The following ANKRD16 variants were observed in gnomAD, a reference collection of about 807,000 sequenced individuals.
ANKRD16 encodes ankyrin repeat domain 16.
In ANKRD16, 35 loss-of-function variants were observed where a neutral mutation model predicts 37.9. That is an observed-to-expected ratio of 0.92 (90% CI 0.71 to 1.23). The LOEUF (loss-of-function observed/expected upper bound fraction) is 1.23, where lower values mean the gene tolerates loss of function less well. Among genes scored for constraint, ANKRD16 ranks in the 50% most tolerant of loss-of-function variants. ANKRD16 has a pLI of 0.00. For missense variants in ANKRD16, 480 were observed against 469.9 expected (o/e 1.02, Z -0.20); for synonymous variants, 206 against 197.2 (o/e 1.04, Z -0.37).
At position 5,884,059 on chromosome 10, in the gene ANKRD16, G is replaced by C; in HGVS notation, c.597C>G (p.Asp199Glu). ...CGGTGACGCCACAGTTGTCTCTGTAGTCTGGTTCATATTGGCACCTAGAGC... is the reference window on the plus strand; with the variant it reads ...CGGTGACGCCACAGTTGTCTCTGTACTCTGGTTCATATTGGCACCTAGAGC... ...VLLKRCQYEP[D>E]YRDNCGVTAL... Residue 199 changes from aspartate (D) to glutamate (E), a missense_variant, in exon 4 of 8, where the codon GAC becomes GAG. By Grantham distance (45) the Asp-to-Glu change is conservative. Coordinates refer to ENST00000380094, the MANE Select transcript of ANKRD16 (RefSeq NM_019046.3). The C allele has an allele frequency of 6.2e-7, 1 of 1,614,060 alleles. No homozygotes were observed.
intron 7 of ANKRD16, among the ~76,000 whole-genome samples, chr10:5,875,100 C>T (rs946469021): frequency 1.3e-5 from 2 of 152,066 alleles, no homozygotes; most frequent in Non-Finnish European, 2.9e-5. Context: ...GCAACAACGA[C>T]GCCAGACTGC....
In ANKRD16 at chr10:5,883,980, C is replaced by A. The variant is rs374600301; in HGVS notation, c.676G>T (p.Asp226Tyr). Residue 226 changes from aspartate (D) to tyrosine (Y), a missense_variant, in exon 4 of 8, where the codon GAT becomes TAT. Physicochemically the swap from Asp to Tyr is radical, Grantham distance 160. Transcript: ENST00000380094. ...AACCATTTTTATACCCCATGTTCAT[C>A]GAGGAGCAGCCTAGCGACGTCGATG... ...GHIDVARLLL[D>Y]EHGACLSAED... 2 of 1,613,828 alleles carry A rather than the reference C, an allele frequency of 1.2e-6. No individual in the cohort carries two copies. Among genetic ancestry groups the A allele is most frequent in the South Asian group, 1.1e-5 (1 of 91,048 alleles).
In ANKRD16 at chr10:5,868,803, C is replaced by T. The variant is rs116124337; in HGVS notation, c.*34-6112G>A. ...GCTTCATTCCTTAAGTCAGCAAGAC[C>T]ACGAACCCACCAGGAGGAACAAACA... On this transcript the variant is annotated intron_variant, in intron 7 of 7. Coordinates refer to ENST00000380094, the MANE Select transcript of ANKRD16 (RefSeq NM_019046.3). The surrounding 1 kb of genome is among the most constrained non-coding windows in gnomAD (Gnocchi z 4.9). Among the ~76,000 whole-genome samples, 797 of 152,318 alleles carry T rather than the reference C, an allele frequency of 5.2e-3. 7 individuals carry two copies. The highest frequency in any genetic ancestry group is 0.018 in the African/African-American group (763 of 41,562).
Position 5,889,157 on chromosome 10 carries a change from G to GGTTGTA in ANKRD16, c.197_198insTACAAC (p.Thr67_Asn68insThrThr). 6.3e-7 allele frequency: 1 copy of GGTTGTA among 1,598,504 alleles called. No homozygotes were observed. Among genetic ancestry groups the GGTTGTA allele is most frequent in the Non-Finnish European group, 8.5e-7 (1 of 1,179,438 alleles). ...GAGGCCGCTTGTAGTCTCGGTTGGT[G>GGTTGTA]GCCTCGATGTCCATGCCCCAGGCCT... On this transcript the variant is annotated inframe_insertion, in exon 1 of 8. Transcript: ENST00000380094.
At chr10:5,881,438 T>TTTTATATATATA (rs1554796692) in intron 5 of ANKRD16, among the ~76,000 whole-genome samples, 6 of 51,010 alleles carry the variant, frequency 1.2e-4, no homozygotes, top group African/African-American at 3.7e-4. Flanking sequence ...AAAATATTAT[T>TTTTATATATATA]TATATATATA....
At position 5,863,700 on chromosome 10, in the gene ANKRD16, C is replaced by T. The variant is rs1589010885; in HGVS notation, c.*34-1009G>A. ...TGCTCATTCTTTGGGTCCACACCAA[C>T]TTTAAGAGCCATAACACTCACCGTG... is the stretch of plus-strand genomic sequence containing the variant. On this transcript the variant is annotated intron_variant, in intron 7 of 7. Coordinates refer to ENST00000380094, the MANE Select transcript of ANKRD16 (RefSeq NM_019046.3). The surrounding 1 kb of genome is among the most constrained non-coding windows in gnomAD (Gnocchi z 4.7). Among the ~76,000 whole-genome samples, 1 of 152,238 alleles carries T rather than the reference C, an allele frequency of 6.6e-6. No individual in the cohort carries two copies. Among genetic ancestry groups the T allele is most frequent in the East Asian group, 1.9e-4 (1 of 5,184 alleles).
At chr10:5,880,096 T>TG (rs1334203835) in intron 6 of ANKRD16, among the ~76,000 whole-genome samples, 1 of 144,752 alleles carries the variant, frequency 6.9e-6, no homozygotes, top group Non-Finnish European at 1.5e-5. Flanking sequence ...AGGTGGATGT[T>TG]GCAGAGAGCT....
chr10:5,877,702 G>A (rs1278495689), intron 7 of ANKRD16, among the ~76,000 whole-genome samples: 6 of 152,270 alleles, frequency 3.9e-5, no homozygotes, highest in East Asian at 1.9e-4. Flanking sequence ...TAATAGCAAC[G>A]TATGTGATAT....
rs760664558 is a variant in ANKRD16, at chr10:5,866,632, A to C, written c.*34-3941T>G. Among the ~76,000 whole-genome samples the C allele has an allele frequency of 6.6e-6, 1 of 152,274 alleles. No homozygotes were observed. Among genetic ancestry groups the C allele is most frequent in the Admixed American group, 6.5e-5 (1 of 15,288 alleles). Reference sequence around the variant, plus strand: ...ATTAAATATCACAAGGAAATCATGGAGTTATTGCACGCAGTGCAAAAACCC... The same window carrying C: ...ATTAAATATCACAAGGAAATCATGGCGTTATTGCACGCAGTGCAAAAACCC... On this transcript the variant is annotated intron_variant, in intron 7 of 7. Coordinates refer to ENST00000380094, the MANE Select transcript of ANKRD16 (RefSeq NM_019046.3). The surrounding 1 kb of genome is among the most constrained non-coding windows in gnomAD (Gnocchi z 4.3).
chr10:5,885,846 G>T, intron 2 of ANKRD16, 81 bp from the exon 3 acceptor site: 1 of 1,413,890 alleles, frequency 7.1e-7, no homozygotes, highest in Non-Finnish European at 9.7e-7. Flanking sequence ...TTTGCTCTCT[G>T]CCCCGTTCTA....
chr10:5,881,093 C>A (rs1842294426), intron 5 of ANKRD16: 1 of 888,318 alleles, frequency 1.1e-6, no homozygotes, highest in Non-Finnish European at 1.3e-6. Flanking sequence ...GCCACTGCGC[C>A]CAGCCAAATT....
rs539569989 is a variant in ANKRD16 at position 5,866,253 on chromosome 10, C to T, written c.*34-3562G>A. Among the ~76,000 whole-genome samples the T allele has an allele frequency of 4.6e-5, 7 of 152,318 alleles. No homozygotes were observed. In the East Asian group the frequency reaches 1.4e-3, roughly 29 times the overall value. On this transcript the variant is annotated intron_variant, in intron 7 of 7. Transcript: ENST00000380094. The surrounding 1 kb of genome is among the most constrained non-coding windows in gnomAD (Gnocchi z 4.3). ...CCCAGAGGATGGGGAACCGATCGAG[C>T]ATGACTGCCAACAAGTTATAGTCCA...
chr10:5,873,233 T>C (rs1842132460), intron 7 of ANKRD16, among the ~76,000 whole-genome samples: 1 of 152,018 alleles, frequency 6.6e-6, no homozygotes, highest in African/African-American at 2.4e-5. Flanking sequence ...GGTTTCACTG[T>C]GTTAGCCAGG....
rs1045029645 is a variant in ANKRD16 at position 5,878,332 on chromosome 10, G to A, written c.929-45C>T. ...ACATGGACTTAAAACACAATCCCTG[G>A]AGCAATACTGACCTCATGAGTTGAT... is the stretch of plus-strand genomic sequence containing the variant. On this transcript the variant is annotated intron_variant, in intron 6 of 7. Transcript: ENST00000380094. This position sits in a 1 kb window ranked among gnomAD's most constrained non-coding sequence, Gnocchi z 5.1. 3 of 1,563,848 alleles carry A rather than the reference G, an allele frequency of 1.9e-6. No individual in the cohort carries two copies. Among genetic ancestry groups the A allele is most frequent in the Admixed American group, 1.8e-5 (1 of 56,808 alleles).
At position 5,862,734 on chromosome 10, in the gene ANKRD16, CA is replaced by C. The variant is rs1841960697; in HGVS notation, c.*34-44del. ...TTATCATCTCAGTTTACAGATGAAA[CA>C]GAAGCTCAGAGAGGGCAAGCAGCTA... On this transcript the variant is annotated intron_variant, in intron 7 of 7. Transcript: ENST00000380094. The surrounding 1 kb of genome is among the most constrained non-coding windows in gnomAD (Gnocchi z 6.5). The C allele has an allele frequency of 1.6e-6, 2 of 1,259,106 alleles. No individual in the cohort carries two copies. Among genetic ancestry groups the C allele is most frequent in the South Asian group, 1.2e-5 (1 of 80,456 alleles). 78.0% of individuals were successfully genotyped at this position (1,259,106 alleles called of 1,614,324 possible). A position where few individuals can be genotyped will look rare whatever the true frequency, so the allele number is the denominator to read the frequency against.
intron 7 of ANKRD16, among the ~76,000 whole-genome samples, chr10:5,873,276 C>T (rs1388442536): frequency 7.9e-5 from 12 of 152,070 alleles, no homozygotes; most frequent in Non-Finnish European, 1.5e-4. Context: ...ATGATCCGCC[C>T]GCCTCGGCCT....
At chr10:5,877,995 C>A (rs985971953) in intron 7 of ANKRD16, 102 bp downstream of exon 7, 11 of 1,293,842 alleles carry the variant, frequency 8.5e-6, no homozygotes, top group Non-Finnish European at 1.2e-5. Context: ...AGGAGTGGAA[C>A]ATGCAGGATG....
In ANKRD16 at chr10:5,884,053, T is replaced by C. The variant is rs547524812; in HGVS notation, c.603A>G (p.Arg201=). 1 of 1,614,100 alleles carries C rather than the reference T, an allele frequency of 6.2e-7. No homozygotes were observed. The highest frequency in any genetic ancestry group is 2.2e-5 in the East Asian group (1 of 44,888). The change falls in exon 4 of 8, where the codon AGA becomes AGG. Residue 201 remains arginine, a synonymous_variant. Transcript: ENST00000380094. ...TCAAGGCGGTGACGCCACAGTTGTCTCTGTAGTCTGGTTCATATTGGCACC... is the reference window on the plus strand; with the variant it reads ...TCAAGGCGGTGACGCCACAGTTGTCCCTGTAGTCTGGTTCATATTGGCACC... ...LKRCQYEPDY[R]DNCGVTALMD...
intron 6 of ANKRD16, among the ~76,000 whole-genome samples, chr10:5,879,927 G>C (rs1490133188): frequency 1.3e-5 from 2 of 152,140 alleles, no homozygotes; most frequent in Non-Finnish European, 2.9e-5. Flanking sequence ...GGGAGGCCAA[G>C]GCAGGTAGAT....
Sources: gnomAD v4.1 joint callset for allele counts (sites outside exome capture counted in the v4.1 genomes callset) on GRCh38, gnomAD v4.1.1 for gene constraint, Gnocchi (gnomAD v3.1) non-coding constraint, MANE v1.5 for transcripts, NCBI Gene and HGNC (gene_info 2026-07-23, HGNC 2026-07-21) for gene names.